The following CDH23 variants were observed in gnomAD, a reference collection of about 807,000 sequenced individuals.
CDH23 encodes the protein cadherin related 23.
Under a neutral mutation model 317.1 loss-of-function variants are expected in CDH23, and 189 were observed. The observed-to-expected ratio is 0.60, with a 90% CI of 0.53 to 0.67. CDH23 has a LOEUF of 0.67. CDH23 is among the 30% of genes least tolerant of loss of function. CDH23 has a pLI of 0.00. For missense variants in CDH23, 4,401 were observed against 4,592.4 expected (o/e 0.96, Z 1.20); for synonymous variants, 1,839 against 1,876.8 (o/e 0.98, Z 0.52).
intron 3 of CDH23, among the ~76,000 whole-genome samples, chr10:71,493,171 C>T (rs976609326): frequency 1.3e-5 from 2 of 152,074 alleles, no homozygotes; most frequent in African/African-American, 2.4e-5. Flanking sequence ...AAAGTATGTG[C>T]ATTGTGTACA....
intron 1 of CDH23, among the ~76,000 whole-genome samples, chr10:71,411,591 A>G (rs1328278666): frequency 1.3e-5 from 2 of 152,158 alleles, no homozygotes; most frequent in Non-Finnish European, 2.9e-5. Flanking sequence ...CAATACTTAT[A>G]TCATTTTTCT....
At chr10:71,659,162 C>A (rs1056458457) in intron 14 of CDH23, among the ~76,000 whole-genome samples, 2 of 152,164 alleles carry the variant, frequency 1.3e-5, no homozygotes, top group East Asian at 3.9e-4. Flanking sequence ...AACACCAGAG[C>A]GAAGACAATG....
intron 9 of CDH23, among the ~76,000 whole-genome samples, chr10:71,597,037 G>A (rs1443321314): frequency 2.0e-5 from 3 of 152,202 alleles, no homozygotes; most frequent in East Asian, 3.9e-4. Context: ...TATGGAGGTC[G>A]CCTCTGTCCT....
At chr10:71,530,579 G>A (rs1231000423) in intron 6 of CDH23, among the ~76,000 whole-genome samples, 1 of 152,222 alleles carries the variant, frequency 6.6e-6, no homozygotes, top group East Asian at 1.9e-4. Flanking sequence ...TCGAGGTCTT[G>A]CAGGTGAGCA....
chr10:71,793,114 ATG>A lies in CDH23; in HGVS notation c.6254-64_6254-63del, dbSNP rs1166248440. The A allele has an allele frequency of 2.4e-6, 3 of 1,227,536 alleles. No individual in the cohort carries two copies. The African/African-American group carries it at 4.5e-5, about 19-fold the overall frequency. 76.0% of individuals were successfully genotyped at this position (1,227,536 alleles called of 1,614,324 possible). On this transcript the variant is annotated intron_variant, in intron 47 of 69. Coordinates refer to ENST00000224721, the MANE Select transcript of CDH23 (RefSeq NM_022124.6). Reference sequence around the variant, plus strand: ...GGGGACTTGAGAAGATCACCAACAAATGTGTCTTGGTAGATCTTTCTGGAAGA... The same window carrying A: ...GGGGACTTGAGAAGATCACCAACAAATGTCTTGGTAGATCTTTCTGGAAGA...
chr10:71,755,113 T>C (rs1840099478), intron 38 of CDH23: 4 of 645,996 alleles, frequency 6.2e-6, no homozygotes, highest in African/African-American at 1.8e-5. Context: ...AAGACATGTA[T>C]TGAGTGCCGA....
Position 71,790,269 on chromosome 10 carries a change from C to G in CDH23, c.5924-19C>G. 1 of 1,613,126 alleles carries G rather than the reference C, an allele frequency of 6.2e-7. No individual in the cohort carries two copies. The highest frequency in any genetic ancestry group is 1.1e-5 in the South Asian group (1 of 90,986). ...GGGGCTGGGTTGGTCTTGTGGTGACCCCTCTCCTTCTGGCCCAGGCACCCC... is the reference window on the plus strand; with the variant it reads ...GGGGCTGGGTTGGTCTTGTGGTGACGCCTCTCCTTCTGGCCCAGGCACCCC... On this transcript the variant is annotated intron_variant, in intron 45 of 69. Coordinates refer to ENST00000224721, the MANE Select transcript of CDH23 (RefSeq NM_022124.6).
At chr10:71,423,840 G>A (rs1056372462) in intron 1 of CDH23, among the ~76,000 whole-genome samples, 1 of 152,216 alleles carries the variant, frequency 6.6e-6, no homozygotes, top group Non-Finnish European at 1.5e-5. Flanking sequence ...AGGGCAGGAC[G>A]GGTGGTGCTC....
intron 38 of CDH23, among the ~76,000 whole-genome samples, chr10:71,775,969 G>A (rs1840808782): frequency 6.6e-6 from 1 of 152,110 alleles, no homozygotes; most frequent in Non-Finnish European, 1.5e-5. Context: ...GCACCACATT[G>A]CAGGAAAGGG....
At chr10:71,504,352 C>T (rs1274057023) in intron 3 of CDH23, among the ~76,000 whole-genome samples, 1 of 152,148 alleles carries the variant, frequency 6.6e-6, no homozygotes, top group Non-Finnish European at 1.5e-5. Flanking sequence ...GCATAATGTC[C>T]TCAGGGTTTA....
intron 3 of CDH23, among the ~76,000 whole-genome samples, chr10:71,490,854 C>T (rs1852616690): frequency 6.6e-6 from 1 of 152,142 alleles, no homozygotes. Context: ...GGCAAAGTAA[C>T]TTGTCCAAGG....
intron 34 of CDH23, among the ~76,000 whole-genome samples, chr10:71,738,263 C>G (rs75357242): frequency 1.1e-3 from 166 of 152,336 alleles, no homozygotes; most frequent in African/African-American, 3.8e-3. Context: ...CCCTTGCCCT[C>G]CTAGCCAAGA....
intron 2 of CDH23, among the ~76,000 whole-genome samples, chr10:71,440,677 GC>G (rs1322878560): frequency 6.6e-6 from 1 of 152,190 alleles, no homozygotes; most frequent in Non-Finnish European, 1.5e-5. Context: ...GGTAGGAGAG[GC>G]CTGGGCATTT....
At position 71,751,770 on chromosome 10, in the gene CDH23, C is replaced by T; in HGVS notation, c.4845+9849C>T. The T allele has an allele frequency of 6.2e-7, 1 of 1,604,714 alleles. No homozygotes were observed. Among genetic ancestry groups the T allele is most frequent in the South Asian group, 1.1e-5 (1 of 90,244 alleles). On this transcript the variant is annotated intron_variant, in intron 38 of 69. Coordinates refer to ENST00000224721, the MANE Select transcript of CDH23 (RefSeq NM_022124.6). The surrounding 1 kb of genome is among the most constrained non-coding windows in gnomAD (Gnocchi z 4.9). ...GACTCAGAAGGCTGCCGCTGGGCCA[C>T]ATAGGACAGGGGGTGCCTGACTTTG...
rs753759782 is a variant in CDH23 at position 71,810,514 on chromosome 10, G to C, written c.9022G>C (p.Glu3008Gln). 1 of 1,614,022 alleles carries C rather than the reference G, an allele frequency of 6.2e-7. No homozygotes were observed. Among genetic ancestry groups the C allele is most frequent in the Admixed American group, 1.7e-5 (1 of 60,032 alleles). The change falls in exon 62 of 70, where the codon GAA becomes CAA. Residue 3008 changes from glutamate (E) to glutamine (Q), a missense_variant. Coordinates refer to ENST00000224721, the MANE Select transcript of CDH23 (RefSeq NM_022124.6). ...KKGRVNFAQT[E>Q]LLIHVVNRDT... ...GGGCCGGGTGAACTTTGCGCAGACA[G>C]AACTGCTTATCCACGTGGTGAACCG... is the stretch of plus-strand genomic sequence containing the variant.
rs73283784 is a variant in CDH23 at position 71,485,972 on chromosome 10, T to A, written c.146-24110T>A. ...TTGCAAATGGATGGAGAAAGAAAAA[T>A]TTTATATTAAAAGAAGCATCAATAT... On this transcript the variant is annotated intron_variant, in intron 3 of 69. Coordinates refer to ENST00000224721, the MANE Select transcript of CDH23 (RefSeq NM_022124.6). Among the ~76,000 whole-genome samples, 711 of 141,250 alleles carry A rather than the reference T, an allele frequency of 5.0e-3. 2 individuals carry two copies. The highest frequency in any genetic ancestry group is 0.018 in the African/African-American group (652 of 35,808). 92.7% of individuals were successfully genotyped at this position (141,250 alleles called of 152,430 possible).
chr10:71,435,949 GCTCTCT>G (rs777571824), intron 1 of CDH23, among the ~76,000 whole-genome samples: 17 of 152,246 alleles, frequency 1.1e-4, no homozygotes, highest in Non-Finnish European at 2.1e-4. Flanking sequence ...ATCAGCCTCT[GCTCTCT>G]CTGGGCCTTG....
chr10:71,664,164 G>T (rs1214469886), intron 14 of CDH23, among the ~76,000 whole-genome samples: 1 of 152,128 alleles, frequency 6.6e-6, no homozygotes, highest in Non-Finnish European at 1.5e-5. Flanking sequence ...CCACCAGGTG[G>T]TGCCAGGCAC....
At chr10:71,677,382 G>C in intron 15 of CDH23, 74 bp from the exon 16 acceptor site, 1 of 1,228,894 alleles carries the variant, frequency 8.1e-7, no homozygotes, top group Non-Finnish European at 1.1e-6. Context: ...GACAGGCTGG[G>C]AAATGCCGGC....
Sources: gnomAD v4.1 joint callset for allele counts (sites outside exome capture counted in the v4.1 genomes callset) on GRCh38, gnomAD v4.1.1 for gene constraint, Gnocchi (gnomAD v3.1) non-coding constraint, MANE v1.5 for transcripts, NCBI Gene and HGNC (gene_info 2026-07-23, HGNC 2026-07-21) for gene names.